Variants in KLHL2 observed in about 807,000 individuals in gnomAD.
The protein encoded by KLHL2 is kelch-like protein 2.
KLHL2 carries 15 observed loss-of-function variants against 75.8 expected under a neutral mutation model. The ratio of observed to expected loss-of-function variants is 0.20; its 90% CI spans 0.13 to 0.30. The LOEUF is 0.30. KLHL2 is among the 10% of genes least tolerant of loss of function. The probability of loss-of-function intolerance (pLI) is 1.00; values close to 1 mark genes in which losing one functional copy is unlikely to be tolerated. For missense variants in KLHL2, 381 were observed against 741.0 expected (o/e 0.51, Z 5.64); for synonymous variants, 214 against 251.9 (o/e 0.85, Z 1.42).
rs868787040 is a variant in KLHL2, at chr4:165,224,460, G to A, written c.153-4347G>A. On this transcript the variant is annotated intron_variant, in intron 2 of 14. Coordinates refer to ENST00000226725, the MANE Select transcript of KLHL2 (RefSeq NM_007246.4). ...ACAACCCATAAATATTGAGTTGTTCGTTCATAACAGCAGTTCTTAACATTC... is the reference window on the plus strand; with the variant it reads ...ACAACCCATAAATATTGAGTTGTTCATTCATAACAGCAGTTCTTAACATTC... Among the ~76,000 whole-genome samples, 15 of 152,174 alleles carry A rather than the reference G, an allele frequency of 9.9e-5. No individual in the cohort carries two copies. The South Asian group carries it at 1.2e-3, about 13-fold the overall frequency.
At chr4:165,237,969 C>T (rs934268182) in intron 3 of KLHL2, among the ~76,000 whole-genome samples, 2 of 152,116 alleles carry the variant, frequency 1.3e-5, no homozygotes, top group African/African-American at 4.8e-5. Flanking sequence ...AGGGACCATC[C>T]CTTCTCTTTC....
intron 4 of KLHL2, among the ~76,000 whole-genome samples, chr4:165,244,411 C>T (rs1740067046): frequency 3.3e-5 from 5 of 152,236 alleles, no homozygotes; most frequent in Admixed American, 2.6e-4. Context: ...TTACTGAGGG[C>T]ATGGAGAGAA....
chr4:165,216,389 A>G (rs896575474), intron 1 of KLHL2, among the ~76,000 whole-genome samples: 7 of 152,220 alleles, frequency 4.6e-5, no homozygotes, highest in African/African-American at 1.7e-4. Context: ...ACAATAGGCT[A>G]TTGGATAATT....
In KLHL2 at chr4:165,317,881, TA is replaced by T; in HGVS notation, c.1667del (p.Asn556ThrfsTer5). On this transcript the variant is annotated frameshift_variant, in exon 14 of 15. Coordinates refer to ENST00000226725, the MANE Select transcript of KLHL2 (RefSeq NM_007246.4). LOFTEE classifies it high-confidence loss of function. ...TTGTTGGAGGGGATGATGGTTCCTGTAACTTGGCGTCAGTAGAATATTATAA... is the reference window on the plus strand; with the variant it reads ...TTGTTGGAGGGGATGATGGTTCCTGTACTTGGCGTCAGTAGAATATTATAA... ...YVVGGDDGSC[N>X]LASVEYYNPT... The T allele has an allele frequency of 6.2e-7, 1 of 1,613,844 alleles. No individual in the cohort carries two copies. The highest frequency in any genetic ancestry group is 1.3e-5 in the African/African-American group (1 of 75,058).
At chr4:165,235,568 A>C (rs1579009323) in intron 3 of KLHL2, among the ~76,000 whole-genome samples, 1 of 152,188 alleles carries the variant, frequency 6.6e-6, no homozygotes, top group Non-Finnish European at 1.5e-5. Flanking sequence ...TTATCTAACC[A>C]GTATTTATTG....
chr4:165,218,250 C>T (rs917483440), intron 1 of KLHL2, among the ~76,000 whole-genome samples: 2 of 152,100 alleles, frequency 1.3e-5, no homozygotes, highest in African/African-American at 4.8e-5. Flanking sequence ...TGCAGTGTCT[C>T]CTCATTTCAC....
chr4:165,301,934 C>G (rs1306807442), intron 8 of KLHL2, among the ~76,000 whole-genome samples: 1 of 152,004 alleles, frequency 6.6e-6, no homozygotes, highest in African/African-American at 2.4e-5. Context: ...TCGGTAAAAG[C>G]CTATCAAGTA....
At chr4:165,304,109 C>T (rs1745552726) in intron 8 of KLHL2, among the ~76,000 whole-genome samples, 1 of 149,864 alleles carries the variant, frequency 6.7e-6, no homozygotes, top group Non-Finnish European at 1.5e-5. Flanking sequence ...TCTTGAACTC[C>T]TGAGCTCATG....
intron 4 of KLHL2, among the ~76,000 whole-genome samples, chr4:165,239,407 C>T (rs912562125): frequency 2.6e-5 from 4 of 152,130 alleles, no homozygotes; most frequent in South Asian, 2.1e-4. Context: ...GCTGGGACTA[C>T]AGGCGTGTGC....
rs753103139 is a variant in KLHL2 at position 165,305,604 on chromosome 4, G to A, written c.922-4G>A. On this transcript the variant is annotated splice_polypyrimidine_tract_variant and splice_region_variant and intron_variant, in intron 8 of 14. Transcript: ENST00000226725. ...TTCAAGTGCTTACATTTCTGCCCTT[G>A]TAGTTGATGGTGGTGGTTGGGGGCC... 4.4e-6 allele frequency: 7 copies of A among 1,609,150 alleles called. No individual in the cohort carries two copies. The highest frequency in any genetic ancestry group is 6.0e-6 in the Non-Finnish European group (7 of 1,175,636).
intron 4 of KLHL2, among the ~76,000 whole-genome samples, chr4:165,260,224 C>G (rs1741537813): frequency 6.6e-6 from 1 of 152,016 alleles, no homozygotes; most frequent in Non-Finnish European, 1.5e-5. Context: ...CATCATAAAA[C>G]CAAGGCAATT....
At chr4:165,259,441 G>A (rs1741467724) in intron 4 of KLHL2, among the ~76,000 whole-genome samples, 1 of 152,200 alleles carries the variant, frequency 6.6e-6, no homozygotes, top group South Asian at 2.1e-4. Context: ...AATGCAAGAA[G>A]TTTATCTGTA....
intron 9 of KLHL2, among the ~76,000 whole-genome samples, chr4:165,309,069 C>G (rs1172664114): frequency 6.6e-6 from 1 of 152,204 alleles, no homozygotes; most frequent in Non-Finnish European, 1.5e-5. Context: ...GATTCCAGTT[C>G]TCCCTACAGG....
chr4:165,317,187 C>T (rs1263811393), intron 13 of KLHL2, among the ~76,000 whole-genome samples: 5 of 150,714 alleles, frequency 3.3e-5, no homozygotes, highest in Non-Finnish European at 7.4e-5. Flanking sequence ...CTTAAGATTC[C>T]CTAAGTAGCT....
intron 4 of KLHL2, among the ~76,000 whole-genome samples, chr4:165,244,327 A>T (rs1391221914): frequency 6.6e-6 from 1 of 152,236 alleles, no homozygotes; most frequent in Admixed American, 6.5e-5. Context: ...TGTGGGAGCA[A>T]ATCCAACATG....
At chr4:165,260,147 G>T (rs1261060658) in intron 4 of KLHL2, among the ~76,000 whole-genome samples, 2 of 152,222 alleles carry the variant, frequency 1.3e-5, no homozygotes, top group African/African-American at 4.8e-5. Context: ...ATTAGTAATT[G>T]CTTTTGAAGC....
intron 5 of KLHL2, among the ~76,000 whole-genome samples, chr4:165,282,057 G>GGAA (rs1333338068): frequency 6.6e-6 from 1 of 152,158 alleles, no homozygotes; most frequent in Non-Finnish European, 1.5e-5. Flanking sequence ...TGATAGGTTT[G>GGAA]GAAGCAATAA....
At chr4:165,208,929 G>T (rs1737022456) in intron 1 of KLHL2, among the ~76,000 whole-genome samples, 1 of 152,180 alleles carries the variant, frequency 6.6e-6, no homozygotes, top group Non-Finnish European at 1.5e-5. Context: ...TGGTTATTTG[G>T]CAGAATTCCA....
intron 7 of KLHL2, among the ~76,000 whole-genome samples, chr4:165,299,259 A>G (rs1745164997): frequency 6.6e-6 from 1 of 152,206 alleles, no homozygotes; most frequent in Non-Finnish European, 1.5e-5. Flanking sequence ...ATTGAAGTTT[A>G]TCATTTTTCA....
Sources: gnomAD v4.1 joint callset for allele counts (sites outside exome capture counted in the v4.1 genomes callset) on GRCh38, gnomAD v4.1.1 for gene constraint, MANE v1.5 for transcripts, NCBI Gene and HGNC (gene_info 2026-07-23, HGNC 2026-07-21) for gene names.